CSMD1: variants seen among roughly 807,000 people sequenced by gnomAD.
The protein encoded by CSMD1 is CUB and Sushi multiple domains 1.
CSMD1 carries 213 observed loss-of-function variants against 417.5 expected under a neutral mutation model. The observed-to-expected ratio is 0.51, with a 90% confidence interval of 0.46 to 0.57. The LOEUF (loss-of-function observed/expected upper bound fraction) is 0.57, where lower values mean the gene tolerates loss of function less well. CSMD1 is among the 20% of genes least tolerant of loss of function. The probability of loss-of-function intolerance (pLI) is 0.00; values close to 1 mark genes in which losing one functional copy is unlikely to be tolerated. For missense variants in CSMD1, 6,923 were observed against 4,529.7 expected (o/e 1.53, Z -15.17); for synonymous variants, 2,862 against 1,736.8 (o/e 1.65, Z -16.11).
At chr8:4,602,672 C>T (rs1197547799) in intron 2 of CSMD1, among the ~76,000 whole-genome samples, 1 of 152,106 alleles carries the variant, frequency 6.6e-6, no homozygotes, top group Non-Finnish European at 1.5e-5. Flanking sequence ...TACTTCTTGG[C>T]TTGAAATGAC....
chr8:4,844,186 G>GA (rs34393492), intron 1 of CSMD1, among the ~76,000 whole-genome samples: 8 of 151,756 alleles, frequency 5.3e-5, no homozygotes, highest in African/African-American at 9.7e-5. Context: ...CGTAGCACTG[G>GA]AAAAAAAAGT....
chr8:3,286,232 G>T (rs1403648767), intron 25 of CSMD1, among the ~76,000 whole-genome samples: 1 of 152,136 alleles, frequency 6.6e-6, no homozygotes. Flanking sequence ...ATCATTGTTG[G>T]ACATTTGGGT....
At chr8:3,358,095 A>C (rs1237810401) in intron 21 of CSMD1, among the ~76,000 whole-genome samples, 1 of 152,214 alleles carries the variant, frequency 6.6e-6, no homozygotes, top group African/African-American at 2.4e-5. Context: ...AAAACAAGTT[A>C]TGCTAAACAA....
intron 1 of CSMD1, among the ~76,000 whole-genome samples, chr8:4,976,775 G>A (rs939686601): frequency 8.5e-5 from 13 of 152,160 alleles, no homozygotes; most frequent in African/African-American, 1.7e-4. Context: ...ATGTGATATG[G>A]TAGGTATATG....
intron 1 of CSMD1, among the ~76,000 whole-genome samples, chr8:4,908,973 C>T (rs933242655): frequency 6.6e-6 from 1 of 152,142 alleles, no homozygotes; most frequent in Non-Finnish European, 1.5e-5. Flanking sequence ...TTTAGCATGC[C>T]CCGTGCTTTT....
chr8:4,366,263 T>TTC (rs748319565), intron 3 of CSMD1, among the ~76,000 whole-genome samples: 19 of 152,010 alleles, frequency 1.2e-4, no homozygotes, highest in Admixed American at 3.9e-4. Flanking sequence ...TCTTTTTTTT[T>TTC]TCTGTTTTAT....
At chr8:3,774,678 T>A (rs938461985) in intron 5 of CSMD1, among the ~76,000 whole-genome samples, 4 of 152,234 alleles carry the variant, frequency 2.6e-5, no homozygotes, top group South Asian at 2.1e-4. Flanking sequence ...AAAAATCAGT[T>A]TGACTAATGC....
chr8:3,613,783 G>T (rs563323846), intron 8 of CSMD1, among the ~76,000 whole-genome samples: 1 of 151,034 alleles, frequency 6.6e-6, no homozygotes, highest in South Asian at 2.1e-4. Context: ...AACTGATAAA[G>T]GGCATCTATG....
chr8:4,786,011 T>A (rs773562042), intron 1 of CSMD1, among the ~76,000 whole-genome samples: 1 of 152,188 alleles, frequency 6.6e-6, no homozygotes, highest in Non-Finnish European at 1.5e-5. Context: ...TACCCAGCAG[T>A]GGCTGGAGCT....
At chr8:4,951,929 AT>A (rs1002725650) in intron 1 of CSMD1, among the ~76,000 whole-genome samples, 15 of 151,556 alleles carry the variant, frequency 9.9e-5, no homozygotes, top group South Asian at 2.1e-4. Flanking sequence ...AAAAAAAATT[AT>A]TTTTTCCCCT....
intron 26 of CSMD1, among the ~76,000 whole-genome samples, chr8:3,272,085 T>C (rs1283199813): frequency 2.0e-5 from 3 of 148,938 alleles, no homozygotes; most frequent in East Asian, 2.0e-4. Context: ...AAGTCTTTAA[T>C]CCATCTTGAA....
intron 12 of CSMD1, among the ~76,000 whole-genome samples, chr8:3,439,281 G>GTGTGTATATATATATATATATGTAGA (rs1407744154): frequency 1.8e-5 from 1 of 54,344 alleles, no homozygotes; most frequent in African/African-American, 8.4e-5. Flanking sequence ...GGCAATGTCA[G>GTGTGTATATATATATATATATGTAGA]TATATATATA....
At chr8:4,127,975 T>A (rs371053570) in intron 3 of CSMD1, among the ~76,000 whole-genome samples, 1 of 152,198 alleles carries the variant, frequency 6.6e-6, no homozygotes, top group African/African-American at 2.4e-5. Context: ...TATTGGTAAA[T>A]GCCACTGCTT....
intron 5 of CSMD1, among the ~76,000 whole-genome samples, chr8:3,824,641 C>T (rs1403494453): frequency 1.3e-5 from 2 of 152,126 alleles, no homozygotes; most frequent in Non-Finnish European, 2.9e-5. Context: ...TGATTACATG[C>T]TGAAATAGCA....
intron 3 of CSMD1, among the ~76,000 whole-genome samples, chr8:4,225,198 G>A (rs534776127): frequency 3.9e-5 from 6 of 152,228 alleles, no homozygotes; most frequent in Middle Eastern, 3.4e-3. Flanking sequence ...GCAACTCAGC[G>A]CACACCTCCA....
At chr8:4,217,336 G>A (rs1032926921) in intron 3 of CSMD1, among the ~76,000 whole-genome samples, 4 of 152,014 alleles carry the variant, frequency 2.6e-5, no homozygotes, top group African/African-American at 9.7e-5. Context: ...GTGCTGCCTT[G>A]GACTCTAACA....
At chr8:4,237,537 T>G (rs1483780310) in intron 3 of CSMD1, among the ~76,000 whole-genome samples, 3 of 150,766 alleles carry the variant, frequency 2.0e-5, no homozygotes, top group African/African-American at 7.3e-5. Context: ...AATACTACTT[T>G]TTTTTTTTTG....
At chr8:3,337,057 T>A (rs762715369) in intron 23 of CSMD1, among the ~76,000 whole-genome samples, 3 of 152,110 alleles carry the variant, frequency 2.0e-5, no homozygotes, top group Non-Finnish European at 4.4e-5. Flanking sequence ...GAGCTGGGGT[T>A]GGCCAGGCCT....
At chr8:4,917,810 C>G (rs1806172763) in intron 1 of CSMD1, among the ~76,000 whole-genome samples, 2 of 152,000 alleles carry the variant, frequency 1.3e-5, no homozygotes, top group Admixed American at 6.6e-5. Flanking sequence ...AAGATAGGAA[C>G]AGAGTGTGGC....
Sources: allele counts gnomAD v4.1 joint callset (sites outside exome capture counted in the v4.1 genomes callset), GRCh38; gene constraint gnomAD v4.1.1; transcripts MANE v1.5; gene names NCBI Gene and HGNC (gene_info 2026-07-23, HGNC 2026-07-21).